The following RASGRP3 variants were observed in gnomAD, a reference collection of about 807,000 sequenced individuals.
The protein encoded by RASGRP3 is RAS guanyl releasing protein 3.
Under a neutral mutation model 82.7 loss-of-function variants are expected in RASGRP3, and 54 were observed. The ratio of observed to expected loss-of-function variants is 0.65; its 90% CI spans 0.52 to 0.82. The LOEUF (loss-of-function observed/expected upper bound fraction) is 0.82. Ranked by LOEUF, RASGRP3 falls within the 40% of genes least tolerant of loss-of-function variation. RASGRP3 has a pLI of 0.00. For missense variants in RASGRP3, 861 were observed against 828.9 expected, an observed-to-expected ratio of 1.04 and a Z score of -0.48; for synonymous variants, 309 against 300.5, an observed-to-expected ratio of 1.03 and a Z score of -0.29.
chr2:33,559,513 C>T (rs893084275), intron 17 of RASGRP3: 6 of 440,446 alleles, frequency 1.4e-5, no homozygotes, highest in East Asian at 1.2e-4. Context: ...ATCAGAGATA[C>T]GAGGCCCTTG....
At chr2:33,541,370 A>G (rs1195387820) in intron 12 of RASGRP3, among the ~76,000 whole-genome samples, 3 of 147,006 alleles carry the variant, frequency 2.0e-5, no homozygotes, top group African/African-American at 7.3e-5. Flanking sequence ...TACTACATAC[A>G]TATATACATG....
chr2:33,471,083 G>T (rs996326570), intron 2 of RASGRP3, among the ~76,000 whole-genome samples: 1 of 152,070 alleles, frequency 6.6e-6, no homozygotes, highest in African/African-American at 2.4e-5. Context: ...TTTGATTTGA[G>T]ATTTGAATTA....
At chr2:33,475,666 C>T (rs75083101), upstream of RASGRP3, among the ~76,000 whole-genome samples, 25 of 152,062 alleles carry the variant, frequency 1.6e-4, no homozygotes, top group Non-Finnish European at 2.9e-4. Context: ...TCAGACACTA[C>T]GTAAAGTCAG....
chr2:33,527,509 G>T, intron 10 of RASGRP3, 97 bp downstream of exon 10: 1 of 1,329,012 alleles, frequency 7.5e-7, no homozygotes, highest in Non-Finnish European at 1.0e-6. Context: ...CATTCTGGGG[G>T]AAAATTGGTT....
chr2:33,473,463 G>A (rs1667181979), upstream of RASGRP3, among the ~76,000 whole-genome samples: 1 of 152,196 alleles, frequency 6.6e-6, no homozygotes, highest in African/African-American at 2.4e-5. Flanking sequence ...TAGCTAATGA[G>A]CGCACGCTGA....
intron 1 of RASGRP3, among the ~76,000 whole-genome samples, chr2:33,496,008 A>G (rs543823153): frequency 1.5e-4 from 23 of 152,320 alleles, no homozygotes; most frequent in Non-Finnish European, 2.4e-4. Context: ...TTTTAAAGTA[A>G]AGGTTCAGAT....
At chr2:33,475,789 G>A (rs1667324799), upstream of RASGRP3, among the ~76,000 whole-genome samples, 2 of 152,292 alleles carry the variant, frequency 1.3e-5, no homozygotes, top group South Asian at 4.1e-4. Flanking sequence ...CCACGTTTGC[G>A]AGCAGCACAG....
chr2:33,547,053 GAAAAA>G (rs767124838), intron 13 of RASGRP3, among the ~76,000 whole-genome samples: 55 of 123,908 alleles, frequency 4.4e-4, no homozygotes, highest in Middle Eastern at 4.6e-3. Context: ...CTGTCTCAGG[GAAAAA>G]AAAAAAAAAA....
At chr2:33,505,524 A>G (rs1394215515) in intron 1 of RASGRP3, among the ~76,000 whole-genome samples, 3 of 151,884 alleles carry the variant, frequency 2.0e-5, no homozygotes, top group African/African-American at 7.3e-5. Flanking sequence ...CTGGTCTCGA[A>G]CTCCTGACCT....
chr2:33,483,832 CAAAT>C (rs1427067932), intron 1 of RASGRP3, among the ~76,000 whole-genome samples: 1 of 152,156 alleles, frequency 6.6e-6, no homozygotes, highest in Admixed American at 6.5e-5. Context: ...AAATCACAGA[CAAAT>C]AACCACATTT....
chr2:33,495,338 A>T (rs546035966), intron 1 of RASGRP3, among the ~76,000 whole-genome samples: 2 of 152,232 alleles, frequency 1.3e-5, no homozygotes, highest in Non-Finnish European at 2.9e-5. Context: ...TTCGATTTTC[A>T]TAAGGAGCAT....
At chr2:33,559,629 G>A (rs17598067) in intron 17 of RASGRP3, 26,369 of 518,140 alleles carry the variant, frequency 0.051, 862 homozygotes, top group South Asian at 0.086. Context: ...ATTGATTCAA[G>A]ATGGAGTTAG....
At chr2:33,496,833 G>C (rs898185707) in intron 1 of RASGRP3, among the ~76,000 whole-genome samples, 3 of 152,158 alleles carry the variant, frequency 2.0e-5, no homozygotes, top group Admixed American at 6.5e-5. Context: ...CTCCAGCCTG[G>C]GTGACAGAGT....
chr2:33,524,146 A>G (rs1463521089), intron 8 of RASGRP3, 94 bp downstream of exon 8: 5 of 1,398,850 alleles, frequency 3.6e-6, no homozygotes, highest in Non-Finnish European at 4.9e-6. Flanking sequence ...TCACAGTATA[A>G]GGGCATCGGA....
rs1669802295 is a variant in RASGRP3, at chr2:33,500,836, A to T, written c.-260-10874A>T. Among the ~76,000 whole-genome samples, 9 of 152,192 alleles carry T rather than the reference A, an allele frequency of 5.9e-5. No homozygotes were observed. The South Asian group carries it at 1.9e-3, about 31-fold the overall frequency. On this transcript the variant is annotated intron_variant, in intron 1 of 17. Transcript: ENST00000403687. Reference sequence around the variant, plus strand: ...GTAATCCCAGCTACTCAGGTGGCTGAGGCAGGAGAATCGCTTGAACCTGGG... The same window carrying T: ...GTAATCCCAGCTACTCAGGTGGCTGTGGCAGGAGAATCGCTTGAACCTGGG...
intron 2 of RASGRP3, among the ~76,000 whole-genome samples, chr2:33,458,422 G>T (rs556705341): frequency 3.5e-4 from 54 of 152,256 alleles, no homozygotes; most frequent in African/African-American, 1.2e-3. Context: ...AGCCATATCA[G>T]TTAACAGTAA....
chr2:33,521,900 C>G lies in RASGRP3; in HGVS notation c.369-55C>G. ...TGCAGAGTCAGTAGGTTAATAACTTCCATTGAGTGAAATGGGCTTTCAACA... is the reference window on the plus strand; with the variant it reads ...TGCAGAGTCAGTAGGTTAATAACTTGCATTGAGTGAAATGGGCTTTCAACA... On this transcript the variant is annotated intron_variant, in intron 6 of 17. Transcript: ENST00000403687. The G allele has an allele frequency of 5.1e-6, 8 of 1,556,896 alleles. No homozygotes were observed. The South Asian group carries it at 8.8e-5, about 17-fold the overall frequency.
intron 11 of RASGRP3, among the ~76,000 whole-genome samples, chr2:33,536,113 G>A (rs1348889602): frequency 6.6e-6 from 1 of 151,954 alleles, no homozygotes; most frequent in African/African-American, 2.4e-5. Flanking sequence ...GACCAGCCTG[G>A]CCAACATGGA....
intron 14 of RASGRP3, among the ~76,000 whole-genome samples, chr2:33,553,042 C>T (rs1366577577): frequency 6.6e-6 from 1 of 152,198 alleles, no homozygotes; most frequent in Non-Finnish European, 1.5e-5. Flanking sequence ...ATTAAGTAAG[C>T]ATTAGCAAAC....
Sources: allele counts gnomAD v4.1 joint callset (sites outside exome capture counted in the v4.1 genomes callset), GRCh38; gene constraint gnomAD v4.1.1; transcripts MANE v1.5; gene names NCBI Gene and HGNC (gene_info 2026-07-23, HGNC 2026-07-21).